Variants in GLYR1 observed in about 807,000 individuals in gnomAD.
GLYR1 encodes cytokine-like nuclear factor N-PAC.
GLYR1 carries 21 observed loss-of-function variants against 72.7 expected under a neutral mutation model. The ratio of observed to expected loss-of-function variants is 0.29; its 90% CI spans 0.20 to 0.42. GLYR1 has a LOEUF of 0.42. Among genes scored for constraint, GLYR1 ranks in the 10% least tolerant of loss-of-function variants. The pLI is 1.00. For synonymous variants in GLYR1, 392 were observed against 270.2 expected (o/e 1.45, Z -4.42); for missense variants, 594 against 712.1 (o/e 0.83, Z 1.89).
chr16:4,833,393 A>G (rs751616696), intron 3 of GLYR1, among the ~76,000 whole-genome samples: 2 of 152,176 alleles, frequency 1.3e-5, no homozygotes, highest in Non-Finnish European at 2.9e-5. Context: ...CCTGTCAACA[A>G]TGGGAACCAG....
chr16:4,823,363 A>C (rs1296273299), intron 6 of GLYR1, among the ~76,000 whole-genome samples: 1 of 152,238 alleles, frequency 6.6e-6, no homozygotes. Context: ...ATATTAACAG[A>C]AACAGAGTAG....
chr16:4,806,221 C>G (rs987738522), intron 15 of GLYR1, among the ~76,000 whole-genome samples: 2 of 152,098 alleles, frequency 1.3e-5, no homozygotes, highest in African/African-American at 4.8e-5. Context: ...CTTGGATAGC[C>G]CCCCCACACA....
intron 15 of GLYR1, among the ~76,000 whole-genome samples, chr16:4,810,845 C>T (rs2083288085): frequency 6.6e-6 from 1 of 151,614 alleles, no homozygotes; most frequent in African/African-American, 2.4e-5. Flanking sequence ...TAGCTCATGC[C>T]TGTAATCCCA....
chr16:4,805,196 A>T lies in GLYR1; in HGVS notation c.*40T>A. 6.4e-7 allele frequency: 1 copy of T among 1,554,630 alleles called. No homozygotes were observed. The highest frequency in any genetic ancestry group is 8.9e-7 in the Non-Finnish European group (1 of 1,127,214). On this transcript the variant is annotated 3_prime_UTR_variant, in exon 16 of 16. Transcript: ENST00000321919. ...GACCCCATGTGAGGAAGAGGGGGTC[A>T]GAGGGGGGATTGGAGGGGTGAGGGC...
intron 9 of GLYR1, 133 bp downstream of exon 9, chr16:4,821,247 A>G (rs935355807): frequency 2.0e-5 from 17 of 859,280 alleles, no homozygotes; most frequent in Non-Finnish European, 3.2e-5. Context: ...AAGAGTTACA[A>G]CATCCCCCCA....
intron 5 of GLYR1, among the ~76,000 whole-genome samples, chr16:4,830,826 C>A (rs62036114): frequency 0.13 from 20,081 of 152,186 alleles, 1,505 homozygotes; most frequent in East Asian, 0.24. Flanking sequence ...CCTGCTCCTT[C>A]CTGCCCCAAG....
intron 2 of GLYR1, among the ~76,000 whole-genome samples, chr16:4,845,567 G>A (rs1437518293): frequency 6.6e-6 from 1 of 150,712 alleles, no homozygotes; most frequent in Non-Finnish European, 1.5e-5. Flanking sequence ...AATACTTCCT[G>A]TGCAGGAAGG....
rs1026776265 is a variant in GLYR1 at position 4,835,797 on chromosome 16, C to G, written c.156-2885G>C. Among the ~76,000 whole-genome samples the G allele has an allele frequency of 1.3e-5, 2 of 152,184 alleles. 1 individual carries two copies. Among genetic ancestry groups the G allele is most frequent in the Admixed American group, 1.3e-4 (2 of 15,272 alleles). ...AGTGAGCCAGTATTGTGCCACTGCA[C>G]TCCAGCCTGGGCAACAGAGTGAGAC... On this transcript the variant is annotated intron_variant, in intron 3 of 15. Transcript: ENST00000321919.
chr16:4,812,209 C>A lies in GLYR1; in HGVS notation c.1159G>T (p.Val387Phe). 6.2e-7 allele frequency: 1 copy of A among 1,614,026 alleles called. No homozygotes were observed. The highest frequency in any genetic ancestry group is 8.5e-7 in the Non-Finnish European group (1 of 1,179,992). Residue 387 changes from valine (V) to phenylalanine (F), a missense_variant, in exon 13 of 16, where the codon GTC becomes TTC. Around this residue, in one of 5 missense-constraint regions of GLYR1, gnomAD observed 266 missense variants for 358.4 expected, o/e 0.74. Transcript: ENST00000321919. ...SRGGRFLEAP[V>F]SGNQQLSNDG... ...TTAGACAGCTGCTGATTCCCTGAGA[C>A]GGGGGCTTCCAGAAAGCGCCCCCCC...
chr16:4,845,631 T>C (rs1405114772), intron 2 of GLYR1, among the ~76,000 whole-genome samples: 1 of 151,802 alleles, frequency 6.6e-6, no homozygotes, highest in Admixed American at 6.6e-5. Flanking sequence ...GAAAACACCA[T>C]ATTGCAAAGA....
chr16:4,834,163 G>A (rs1253728587), intron 3 of GLYR1, among the ~76,000 whole-genome samples: 1 of 152,130 alleles, frequency 6.6e-6, no homozygotes, highest in Non-Finnish European at 1.5e-5. Flanking sequence ...CACAGACCTG[G>A]GATCATCGGC....
intron 5 of GLYR1, 50 bp from the exon 6 acceptor site, chr16:4,823,957 A>C: frequency 6.9e-7 from 1 of 1,447,070 alleles, no homozygotes; most frequent in Non-Finnish European, 9.7e-7. Flanking sequence ...AACCCCAACA[A>C]AACCCCTTGC....
chr16:4,808,235 C>CAAAA (rs57992836), intron 15 of GLYR1, among the ~76,000 whole-genome samples: 9 of 81,422 alleles, frequency 1.1e-4, no homozygotes, highest in African/African-American at 1.8e-4. Context: ...GACTCTGTCT[C>CAAAA]AAAAAAAAAA....
At chr16:4,831,481 A>T (rs2084790772) in intron 5 of GLYR1, among the ~76,000 whole-genome samples, 1 of 151,906 alleles carries the variant, frequency 6.6e-6, no homozygotes, top group African/African-American at 2.4e-5. Context: ...GTTCGAGAGT[A>T]TCTCCACCAG....
intron 5 of GLYR1, among the ~76,000 whole-genome samples, chr16:4,827,604 C>G (rs1411082745): frequency 6.7e-6 from 1 of 149,476 alleles, no homozygotes; most frequent in African/African-American, 2.5e-5. Flanking sequence ...AACAAACAAA[C>G]AAACAAAAAA....
chr16:4,805,139 TG>T lies in GLYR1; in HGVS notation c.*96del. ...CTGTATAAAAGGAAATGGAGATAGGTGGGCTGGTCCAGAATGAACTCCCAGG... is the reference window on the plus strand; with the variant it reads ...CTGTATAAAAGGAAATGGAGATAGGTGGCTGGTCCAGAATGAACTCCCAGG... On this transcript the variant is annotated 3_prime_UTR_variant, in exon 16 of 16. Coordinates refer to ENST00000321919, the MANE Select transcript of GLYR1 (RefSeq NM_032569.4). 1 of 947,166 alleles carries T rather than the reference TG, an allele frequency of 1.1e-6. No homozygotes were observed. The highest frequency in any genetic ancestry group is 1.7e-6 in the Non-Finnish European group (1 of 587,042). The allele number at this position is 947,166 out of a possible 1,614,324, so 58.7% of individuals were successfully genotyped here. A position where few individuals can be genotyped will look rare whatever the true frequency, so the allele number is the denominator to read the frequency against.
chr16:4,835,604 G>A (rs1238315597), intron 3 of GLYR1, among the ~76,000 whole-genome samples: 2 of 152,220 alleles, frequency 1.3e-5, no homozygotes, highest in Non-Finnish European at 2.9e-5. Flanking sequence ...GCCGAGGCAG[G>A]CAGATCACCT....
intron 15 of GLYR1, among the ~76,000 whole-genome samples, chr16:4,808,427 T>A (rs2083127408): frequency 1.3e-5 from 2 of 151,402 alleles, no homozygotes; most frequent in Non-Finnish European, 2.9e-5. Context: ...TGAAACCGTA[T>A]CTCTACTAAA....
intron 15 of GLYR1, among the ~76,000 whole-genome samples, chr16:4,807,207 G>C (rs766662727): frequency 6.6e-6 from 1 of 151,246 alleles, no homozygotes; most frequent in East Asian, 1.9e-4. Flanking sequence ...CGCCTCCTGG[G>C]TTCAAGTGAT....
Sources: gnomAD v4.1 joint callset for allele counts (sites outside exome capture counted in the v4.1 genomes callset) on GRCh38, gnomAD v4.1.1 for gene constraint, gnomAD v4.1.1 regional missense constraint, MANE v1.5 for transcripts, NCBI Gene and HGNC (gene_info 2026-07-23, HGNC 2026-07-21) for gene names.